PRDM2: variants seen among roughly 807,000 people sequenced by gnomAD.
PRDM2 encodes PR domain zinc finger protein 2.
PRDM2 carries 30 observed loss-of-function variants against 130.0 expected under a neutral mutation model. That is an observed-to-expected ratio of 0.23 (90% CI 0.17 to 0.31). The LOEUF is 0.31. PRDM2 is among the 10% of genes least tolerant of loss of function. PRDM2 has a pLI of 1.00. For synonymous variants in PRDM2, 871 were observed against 782.4 expected, an observed-to-expected ratio of 1.11 and a Z score of -1.89; for missense variants, 2,011 against 2,108.4, an observed-to-expected ratio of 0.95 and a Z score of 0.90.
At chr1:13,755,759 G>A (rs906176619) in intron 6 of PRDM2, among the ~76,000 whole-genome samples, 1 of 151,918 alleles carries the variant, frequency 6.6e-6, no homozygotes, top group Non-Finnish European at 1.5e-5. Context: ...ATTATAGAGA[G>A]GAGGGTGTAG....
In PRDM2 at chr1:13,781,735, G is replaced by A. The variant is rs1373733043; in HGVS notation, c.3940G>A (p.Gly1314Ser). 1 of 1,614,050 alleles carries A rather than the reference G, an allele frequency of 6.2e-7. No individual in the cohort carries two copies. The highest frequency in any genetic ancestry group is 1.3e-5 in the African/African-American group (1 of 74,918). Residue 1314 changes from glycine (G) to serine (S), a missense_variant, in exon 8 of 10, where the codon GGT becomes AGT. Gly to Ser is a moderately conservative substitution (Grantham distance 56, BLOSUM62 0). Coordinates refer to ENST00000311066, the MANE Select transcript of PRDM2 (RefSeq NM_001393986.1). The surrounding 1 kb of genome is among the most constrained non-coding windows in gnomAD (Gnocchi z 6.1). ...CCATCACCGTAACCCCATGGGGATT[G>A]GTGTGACAGCCACAAATTTCACTAC... The part of the protein sequence containing the change: ...QYHHRNPMGI[G>S]VTATNFTTHN...
chr1:13,713,846 T>G (rs1642448927), intron 1 of PRDM2, among the ~76,000 whole-genome samples: 1 of 152,038 alleles, frequency 6.6e-6, no homozygotes. Context: ...ATCACTAACC[T>G]CATCACTGTT....
intron 8 of PRDM2, among the ~76,000 whole-genome samples, chr1:13,792,830 C>T (rs1362951622): frequency 1.3e-5 from 2 of 152,190 alleles, no homozygotes; most frequent in East Asian, 3.8e-4. Flanking sequence ...ATTTTGAGCT[C>T]TCCCACATCT....
In PRDM2 at chr1:13,823,422, C is replaced by T. The variant is rs1322377561; in HGVS notation, c.*287C>T. ...GATACTTGGATGCAGCTCTTGGGAC[C>T]GTGTTCTGCAGCCCAGCCTTCCTGT... On this transcript the variant is annotated 3_prime_UTR_variant, in exon 10 of 10. Coordinates refer to ENST00000311066, the MANE Select transcript of PRDM2 (RefSeq NM_001393986.1). 2.0e-5 allele frequency: 11 copies of T among 556,298 alleles called. No individual in the cohort carries two copies. The highest frequency in any genetic ancestry group is 3.2e-5 in the Admixed American group (1 of 30,888). 34.5% of individuals were successfully genotyped at this position (556,298 alleles called of 1,614,324 possible).
chr1:13,737,212 T>C (rs893376819), intron 4 of PRDM2, among the ~76,000 whole-genome samples: 4 of 152,166 alleles, frequency 2.6e-5, no homozygotes, highest in Admixed American at 2.6e-4. Flanking sequence ...AAATCCAACC[T>C]GCCACCTGTT....
intron 4 of PRDM2, 115 bp downstream of exon 4, chr1:13,732,997 C>A: frequency 1.3e-6 from 1 of 749,254 alleles, no homozygotes; most frequent in Non-Finnish European, 2.1e-6. Flanking sequence ...TCTTTAAAGT[C>A]AAGAATATTT....
At chr1:13,789,508 C>T (rs951180225) in intron 8 of PRDM2, among the ~76,000 whole-genome samples, 5 of 152,172 alleles carry the variant, frequency 3.3e-5, no homozygotes, top group African/African-American at 9.7e-5. Flanking sequence ...CAAACCTCCT[C>T]GCTGTCACAG....
rs1644398343 is a variant in PRDM2 at position 13,773,297 on chromosome 1, A to C, written c.622+109A>C. 4.8e-6 allele frequency: 3 copies of C among 631,428 alleles called. No homozygotes were observed. The South Asian group carries it at 1.7e-4, about 36-fold the overall frequency. 39.1% of individuals were successfully genotyped at this position (631,428 alleles called of 1,614,324 possible). ...CTGAGAATCATTTAGGATCTTTACG[A>C]GGTTAAACAGCAAAAAAGCTGCCTA... is the stretch of plus-strand genomic sequence containing the variant. On this transcript the variant is annotated intron_variant, in intron 7 of 9. Coordinates refer to ENST00000311066, the MANE Select transcript of PRDM2 (RefSeq NM_001393986.1).
intron 4 of PRDM2, among the ~76,000 whole-genome samples, chr1:13,739,229 A>G (rs1214401159): frequency 6.6e-6 from 1 of 151,928 alleles, no homozygotes; most frequent in African/African-American, 2.4e-5. Flanking sequence ...TTGTATTTTT[A>G]GTAGAGATGG....
chr1:13,710,277 G>C (rs2495056), intron 1 of PRDM2, among the ~76,000 whole-genome samples: 125,837 of 152,202 alleles, frequency 0.83, 52,621 homozygotes, highest in African/African-American at 0.96. Context: ...TCCCACATGT[G>C]TCTAGATTTT....
intron 8 of PRDM2, among the ~76,000 whole-genome samples, chr1:13,789,426 G>A (rs373820329): frequency 4.6e-5 from 7 of 152,158 alleles, no homozygotes; most frequent in African/African-American, 9.7e-5. Context: ...GAACAAAATG[G>A]ACAAAAATCC....
In PRDM2 at chr1:13,810,219, T is replaced by C. The variant is rs1645148908; in HGVS notation, c.5037-6208T>C. ...GGTTCCCCAAGGACGAAATTAAGCATGCATGGAACCCGGGACATCATGGCA... is the reference window on the plus strand; with the variant it reads ...GGTTCCCCAAGGACGAAATTAAGCACGCATGGAACCCGGGACATCATGGCA... On this transcript the variant is annotated intron_variant, in intron 8 of 9. Coordinates refer to ENST00000311066, the MANE Select transcript of PRDM2 (RefSeq NM_001393986.1). 2.6e-5 allele frequency among the ~76,000 whole-genome samples: 4 copies of C among 152,182 alleles called. 1 individual carries two copies. In the South Asian group the frequency reaches 8.3e-4, roughly 32 times the overall value.
chr1:13,784,537 A>C (rs1343352530), intron 8 of PRDM2, among the ~76,000 whole-genome samples: 2 of 152,256 alleles, frequency 1.3e-5, no homozygotes, highest in Non-Finnish European at 2.9e-5. Flanking sequence ...TAAGTTCTGC[A>C]AAGAAAAGCT....
intron 7 of PRDM2, among the ~76,000 whole-genome samples, chr1:13,773,984 G>T (rs1012494982): frequency 6.6e-6 from 1 of 152,176 alleles, no homozygotes; most frequent in East Asian, 1.9e-4. Flanking sequence ...CAGAGACTTT[G>T]ATTTTTGTAT....
intron 1 of PRDM2, among the ~76,000 whole-genome samples, chr1:13,700,877 C>T (rs1022110719): frequency 1.3e-5 from 2 of 152,070 alleles, no homozygotes; most frequent in African/African-American, 2.4e-5. Context: ...TGTGTGTGCG[C>T]ACGCGCGCGT....
chr1:13,808,463 CAAAAAAAAAAAAA>C (rs58838331), intron 8 of PRDM2, among the ~76,000 whole-genome samples: 1 of 58,928 alleles, frequency 1.7e-5, no homozygotes, highest in African/African-American at 5.9e-5. Flanking sequence ...GACTCTGTCT[CAAAAAAAAAAAAA>C]AAAAAAACAG....
At chr1:13,797,580 A>G (rs963231984) in intron 8 of PRDM2, among the ~76,000 whole-genome samples, 8 of 152,236 alleles carry the variant, frequency 5.3e-5, no homozygotes, top group Non-Finnish European at 1.0e-4. Flanking sequence ...TGTGTGGCAC[A>G]TGGCGAGGTA....
Position 13,722,728 on chromosome 1 carries a change from A to C in PRDM2, c.9+7114A>C, listed in dbSNP as rs924427998. 7.1e-6 allele frequency: 3 copies of C among 422,752 alleles called. No individual in the cohort carries two copies. The Admixed American group carries it at 7.9e-5, about 11-fold the overall frequency. 26.2% of individuals were successfully genotyped at this position (422,752 alleles called of 1,614,324 possible). A position where few individuals can be genotyped will look rare whatever the true frequency, so the allele number is the denominator to read the frequency against. ...CATTCTGTATTAGAATCTTCTGGAC[A>C]AGAGGAGGGGATGAGCCCTCAGGTG... is the stretch of plus-strand genomic sequence containing the variant. On this transcript the variant is annotated intron_variant, in intron 2 of 9. Coordinates refer to ENST00000311066, the MANE Select transcript of PRDM2 (RefSeq NM_001393986.1).
At chr1:13,730,949 G>A in intron 2 of PRDM2, 51 bp from the exon 3 acceptor site, 1 of 1,284,550 alleles carries the variant, frequency 7.8e-7, no homozygotes, top group Non-Finnish European at 1.1e-6. Context: ...AAAAACCCAT[G>A]ATTTGAGTTT....
Sources: gnomAD v4.1 joint callset for allele counts (sites outside exome capture counted in the v4.1 genomes callset) on GRCh38, gnomAD v4.1.1 for gene constraint, Gnocchi (gnomAD v3.1) non-coding constraint, MANE v1.5 for transcripts, NCBI Gene and HGNC (gene_info 2026-07-23, HGNC 2026-07-21) for gene names.